SPAST: variants seen among roughly 807,000 people sequenced by gnomAD.
SPAST encodes the protein spastic paraplegia 4 (autosomal dominant; spastin).
A neutral mutation model predicts 76.6 loss-of-function variants in SPAST; 30 were observed. The observed-to-expected ratio is 0.39, with a 90% confidence interval of 0.29 to 0.53. The LOEUF (loss-of-function observed/expected upper bound fraction) is 0.53, where lower values mean the gene tolerates loss of function less well. SPAST is among the 20% of genes least tolerant of loss of function. The pLI, the probability that SPAST is intolerant of heterozygous loss-of-function variation, is 0.68. For synonymous variants in SPAST, 305 were observed against 281.0 expected, an observed-to-expected ratio of 1.09 and a Z score of -0.86; for missense variants, 717 against 770.5, an observed-to-expected ratio of 0.93 and a Z score of 0.82.
At chr2:32,093,979 G>T (rs1416571905) in intron 3 of SPAST, among the ~76,000 whole-genome samples, 2 of 152,002 alleles carry the variant, frequency 1.3e-5, no homozygotes, top group African/African-American at 4.8e-5. Context: ...TTAACAGAGA[G>T]GCTACATCCT....
intron 8 of SPAST, chr2:32,128,037 C>T (rs936331565): frequency 4.2e-6 from 1 of 238,374 alleles, no homozygotes; most frequent in Non-Finnish European, 8.4e-6. Context: ...CTCTATCACC[C>T]AAGCTGGAGT....
chr2:32,133,716 G>A (rs1386599539), intron 9 of SPAST, among the ~76,000 whole-genome samples: 8 of 148,658 alleles, frequency 5.4e-5, no homozygotes, highest in African/African-American at 7.4e-5. Context: ...TTTCCACACC[G>A]TCTTCAAAAT....
At chr2:32,139,817 C>T (rs1573161169) in intron 12 of SPAST, among the ~76,000 whole-genome samples, 1 of 124,010 alleles carries the variant, frequency 8.1e-6, no homozygotes, top group Admixed American at 9.0e-5. Flanking sequence ...TGTGAAAGAG[C>T]AAGAATCCGT....
intron 7 of SPAST, among the ~76,000 whole-genome samples, chr2:32,117,499 C>A (rs1332853015): frequency 6.8e-6 from 1 of 146,930 alleles, no homozygotes. Flanking sequence ...AGAAATTGTA[C>A]TGGAGAAAAG....
chr2:32,087,547 A>G lies in SPAST; in HGVS notation c.471A>G (p.Glu157=). 1.9e-6 allele frequency: 3 copies of G among 1,607,080 alleles called. No individual in the cohort carries two copies. Among genetic ancestry groups the G allele is most frequent in the East Asian group, 4.5e-5 (2 of 44,652 alleles). Reference sequence around the variant, plus strand: ...ATAAGAAAGGTATTGAAGAACTGGAAAAAGGAATAGCTGTTATAGTTACAG... The same window carrying G: ...ATAAGAAAGGTATTGAAGAACTGGAGAAAGGAATAGCTGTTATAGTTACAG... ...EWYKKGIEEL[E]KGIAVIVTGQ... The change falls in exon 2 of 17, where the codon GAA becomes GAG. Residue 157 remains glutamate, a synonymous_variant. Coordinates refer to ENST00000315285, the MANE Select transcript of SPAST (RefSeq NM_014946.4).
At chr2:32,075,215 G>T (rs1176890253) in intron 1 of SPAST, among the ~76,000 whole-genome samples, 1 of 151,768 alleles carries the variant, frequency 6.6e-6, no homozygotes, top group Non-Finnish European at 1.5e-5. Context: ...GAGGTCAGGA[G>T]ATTGAGACCA....
intron 1 of SPAST, among the ~76,000 whole-genome samples, chr2:32,074,645 T>TA (rs1213969693): frequency 2.6e-5 from 4 of 152,072 alleles, no homozygotes; most frequent in Non-Finnish European, 5.9e-5. Flanking sequence ...TAGCTGGAAT[T>TA]ACAGGCGCAA....
intron 2 of SPAST, among the ~76,000 whole-genome samples, chr2:32,088,472 C>T (rs1048853916): frequency 1.3e-5 from 2 of 152,172 alleles, no homozygotes; most frequent in Non-Finnish European, 2.9e-5. Context: ...TGGAGAAACC[C>T]TGTCTCTACT....
At position 32,137,112 on chromosome 2, in the gene SPAST, C is replaced by A. The variant is rs757130394; in HGVS notation, c.1417C>A (p.Gln473Lys). 3.5e-5 allele frequency: 57 copies of A among 1,613,012 alleles called. 2 individuals carry two copies. In the South Asian group the frequency reaches 6.3e-4, roughly 18 times the overall value. ...TEFLIEFDGV[Q>K]SAGDDRVLVM... Reference sequence around the variant, plus strand: ...AAAAAAGATTTTTTGCTTGTAGGTACAGTCTGCTGGAGATGACAGAGTACT... The same window carrying A: ...AAAAAAGATTTTTTGCTTGTAGGTAAAGTCTGCTGGAGATGACAGAGTACT... The change falls in exon 12 of 17, where the codon CAG (glutamine) becomes AAG (lysine). Residue 473 changes from glutamine to lysine, a missense_variant. Around this residue, in one of 3 missense-constraint regions of SPAST, gnomAD observed 78 missense variants for 197.6 expected, o/e 0.39. Transcript: ENST00000315285.
intron 14 of SPAST, 65 bp from the exon 15 acceptor site, chr2:32,144,872 A>C: frequency 2.6e-6 from 3 of 1,133,866 alleles, no homozygotes; most frequent in Non-Finnish European, 3.9e-6. Flanking sequence ...CAACAAGAGC[A>C]AAACTCCATC....
chr2:32,080,904 C>T lies in SPAST; in HGVS notation c.416-6588C>T, dbSNP rs1213752278. Among the ~76,000 whole-genome samples the T allele has an allele frequency of 2.0e-5, 3 of 146,800 alleles. No homozygotes were observed. The Admixed American group carries it at 2.1e-4, about 10-fold the overall frequency. ...CCGCCTCCTGGCTTCAAGTGATTCT[C>T]CTGCCTCAGCCTCCAGAGTAGCTAG... On this transcript the variant is annotated intron_variant, in intron 1 of 16. Coordinates refer to ENST00000315285, the MANE Select transcript of SPAST (RefSeq NM_014946.4).
At chr2:32,107,557 A>G (rs898806844) in intron 4 of SPAST, among the ~76,000 whole-genome samples, 1 of 152,142 alleles carries the variant, frequency 6.6e-6, no homozygotes, top group African/African-American at 2.4e-5. Context: ...CTAGCCAAAT[A>G]TCCAAAACTT....
chr2:32,074,293 A>G (rs1379781100), intron 1 of SPAST, among the ~76,000 whole-genome samples: 1 of 152,124 alleles, frequency 6.6e-6, no homozygotes, highest in Non-Finnish European at 1.5e-5. Context: ...AAAGGGGAAT[A>G]TTTGGTATTT....
rs1558606073 is a variant in SPAST, at chr2:32,064,135, G to A, written c.304G>A (p.Ala102Thr). The A allele has an allele frequency of 1.3e-6, 2 of 1,575,336 alleles. No individual in the cohort carries two copies. The highest frequency in any genetic ancestry group is 1.7e-6 in the Non-Finnish European group (2 of 1,161,288). ...SSGAAPAPAS[A>T]SAPAPVPGGE... ...CGGGGCCGCGCCAGCACCTGCCTCG[G>A]CCTCGGCCCCGGCGCCGGTGCCGGG... The change falls in exon 1 of 17, where the codon GCC becomes ACC. Residue 102 changes from alanine to threonine, a missense_variant. Transcript: ENST00000315285.
chr2:32,153,605 C>T (rs1378538999), intron 16 of SPAST, among the ~76,000 whole-genome samples: 3 of 151,852 alleles, frequency 2.0e-5, no homozygotes, highest in East Asian at 1.9e-4. Context: ...TGTGAGCCAC[C>T]GTGCTTGGCC....
chr2:32,093,795 A>G (rs1312823843), intron 3 of SPAST, among the ~76,000 whole-genome samples: 2 of 151,780 alleles, frequency 1.3e-5, no homozygotes, highest in Non-Finnish European at 2.9e-5. Flanking sequence ...TAATAAATGA[A>G]TGTTAAATGA....
chr2:32,065,824 G>T (rs1012329522), intron 1 of SPAST, among the ~76,000 whole-genome samples: 19 of 152,342 alleles, frequency 1.2e-4, no homozygotes, highest in African/African-American at 4.6e-4. Context: ...TGGGGCCTGG[G>T]AGTGGGAAGT....
At chr2:32,102,485 G>C (rs1346609660) in intron 4 of SPAST, among the ~76,000 whole-genome samples, 1 of 152,134 alleles carries the variant, frequency 6.6e-6, no homozygotes, top group South Asian at 2.1e-4. Context: ...TGATTGCCCT[G>C]GCCAGAACTT....
chr2:32,075,544 T>C (rs1676921592), intron 1 of SPAST, among the ~76,000 whole-genome samples: 1 of 102,122 alleles, frequency 9.8e-6, no homozygotes, highest in African/African-American at 3.9e-5. Flanking sequence ...TCATGGCTTT[T>C]TTCTTTTTTT....
Sources: allele counts gnomAD v4.1 joint callset (sites outside exome capture counted in the v4.1 genomes callset), GRCh38; gene constraint gnomAD v4.1.1; regional missense constraint gnomAD v4.1.1; transcripts MANE v1.5; gene names NCBI Gene and HGNC (gene_info 2026-07-23, HGNC 2026-07-21).